HRH4: variants seen among roughly 807,000 people sequenced by gnomAD.
The protein encoded by HRH4 is histamine H4 receptor.
HRH4 carries 12 observed loss-of-function variants against 10.4 expected under a neutral mutation model. That is an observed-to-expected ratio of 1.15 (90% confidence interval 0.74 to 1.87). HRH4 has a LOEUF of 1.87. Ranked by LOEUF, HRH4 falls within the 40% of genes most tolerant of loss-of-function variation. HRH4 has a pLI of 0.00. For missense variants in HRH4, 415 were observed against 453.3 expected, an observed-to-expected ratio of 0.92 and a Z score of 0.77; for synonymous variants, 154 against 166.6, an observed-to-expected ratio of 0.92 and a Z score of 0.58.
Position 24,476,932 on chromosome 18 carries a change from G to A in HRH4, c.543G>A (p.Leu181=). The A allele has an allele frequency of 1.2e-6, 2 of 1,614,056 alleles. No individual in the cohort carries two copies. The highest frequency in any genetic ancestry group is 2.2e-5 in the South Asian group (2 of 91,076). ...ACATCCTTGCCATCACATCATTCTT[G>A]GAATTCGTGATCCCAGTCATCTTAG... ...EWYILAITSF[L]EFVIPVILVA... The change falls in exon 3 of 3, where the codon TTG becomes TTA. Residue 181 remains leucine, a synonymous_variant. Transcript: ENST00000256906.
rs749957443 is a variant in HRH4 at position 24,477,611 on chromosome 18, G to A, written c.*49G>A. 12 of 1,292,894 alleles carry A rather than the reference G, an allele frequency of 9.3e-6. No individual in the cohort carries two copies. The South Asian group carries it at 1.3e-4, about 14-fold the overall frequency. 80.1% of individuals were successfully genotyped at this position (1,292,894 alleles called of 1,614,324 possible). A position where few individuals can be genotyped will look rare whatever the true frequency, so the allele number is the denominator to read the frequency against. On this transcript the variant is annotated 3_prime_UTR_variant, in exon 3 of 3. Transcript: ENST00000256906. ...ATTTTAGTCTCAATCTCACCTAAATGAATCAGGTCTGCCCTTTATCTTGCC... is the reference window on the plus strand; with the variant it reads ...ATTTTAGTCTCAATCTCACCTAAATAAATCAGGTCTGCCCTTTATCTTGCC...
Position 24,477,491 on chromosome 18 carries a change from G to A in HRH4, c.1102G>A (p.Ala368Thr), listed in dbSNP as rs762574759. Residue 368 changes from alanine to threonine, a missense_variant, in exon 3 of 3, where the codon GCT becomes ACT. Transcript: ENST00000256906. ...YPLCHKRFQKAFLKIFCIKKQ... is the reference protein window; with the variant it reads ...YPLCHKRFQKTFLKIFCIKKQ... ...ATTGTGTCACAAGCGCTTTCAAAAGGCTTTCTTGAAAATATTTTGTATAAA... is the reference window on the plus strand; with the variant it reads ...ATTGTGTCACAAGCGCTTTCAAAAGACTTTCTTGAAAATATTTTGTATAAA... The A allele has an allele frequency of 6.2e-6, 10 of 1,610,154 alleles. No individual in the cohort carries two copies. The South Asian group carries it at 9.9e-5, about 16-fold the overall frequency.
At chr18:24,464,451 A>G (rs1018794812) in intron 1 of HRH4, among the ~76,000 whole-genome samples, 1 of 152,184 alleles carries the variant, frequency 6.6e-6, no homozygotes, top group Non-Finnish European at 1.5e-5. Flanking sequence ...AAATATAGCC[A>G]CATGGGGGGT....
At chr18:24,472,560 G>T (rs182800723) in intron 2 of HRH4, among the ~76,000 whole-genome samples, 101 of 152,282 alleles carry the variant, frequency 6.6e-4, no homozygotes, top group Middle Eastern at 6.8e-3. Context: ...ATGCAGCCGT[G>T]TGAAAACAGA....
intron 2 of HRH4, among the ~76,000 whole-genome samples, chr18:24,471,606 C>CAAAAAAAAAAAAAA (rs60730879): frequency 1.4e-4 from 7 of 51,396 alleles, no homozygotes; most frequent in Non-Finnish European, 1.9e-4. Flanking sequence ...GACTCCATCT[C>CAAAAAAAAAAAAAA]AAAAAAAAAA....
At position 24,463,690 on chromosome 18, in the gene HRH4, C is replaced by G. The variant is rs761359316; in HGVS notation, c.193+2769C>G. Among the ~76,000 whole-genome samples the G allele has an allele frequency of 5.5e-4, 84 of 152,312 alleles. 1 individual carries two copies. The highest frequency in any genetic ancestry group is 5.9e-4 in the Admixed American group (9 of 15,302). On this transcript the variant is annotated intron_variant, in intron 1 of 2. Coordinates refer to ENST00000256906, the MANE Select transcript of HRH4 (RefSeq NM_021624.4). ...TGTGGCTTTGCTGGCTGAATGCCCTCTTCCCCCCAGGTTTCAGAACTGGCC... is the reference window on the plus strand; with the variant it reads ...TGTGGCTTTGCTGGCTGAATGCCCTGTTCCCCCCAGGTTTCAGAACTGGCC...
chr18:24,476,422 C>T lies in HRH4; in HGVS notation c.358-325C>T, dbSNP rs146717833. ...GAGCAATACTGTGGTAAGGTGCGTC[C>T]AACTTCAGTTGTTTGACATTCAGAT... On this transcript the variant is annotated intron_variant, in intron 2 of 2. Transcript: ENST00000256906. Among the ~76,000 whole-genome samples, 299 of 152,306 alleles carry T rather than the reference C, an allele frequency of 2.0e-3. 1 individual carries two copies. Among genetic ancestry groups the T allele is most frequent in the Middle Eastern group, 6.8e-3 (2 of 294 alleles).
intron 1 of HRH4, among the ~76,000 whole-genome samples, chr18:24,466,684 A>C (rs915755876): frequency 6.6e-6 from 1 of 152,168 alleles, no homozygotes; most frequent in Non-Finnish European, 1.5e-5. Flanking sequence ...TGGAGAATGC[A>C]GGCTTTCCTT....
At chr18:24,464,323 C>T (rs1909719591) in intron 1 of HRH4, among the ~76,000 whole-genome samples, 2 of 152,154 alleles carry the variant, frequency 1.3e-5, no homozygotes. Context: ...TCTCTGAGTG[C>T]GCACAGAGAG....
chr18:24,460,651 T>C lies in HRH4; in HGVS notation c.-78T>C, dbSNP rs531755077. The C allele has an allele frequency of 7.3e-5, 63 of 859,756 alleles. No homozygotes were observed. The highest frequency in any genetic ancestry group is 3.9e-4 in the Middle Eastern group (1 of 2,534). The allele number at this position is 859,756 out of a possible 1,614,324, so 53.3% of individuals were successfully genotyped here. On this transcript the variant is annotated 5_prime_UTR_variant, in exon 1 of 3. The change abolishes an upstream ATG in the 5' untranslated region. Coordinates refer to ENST00000256906, the MANE Select transcript of HRH4 (RefSeq NM_021624.4). ...AGTGGAAGACTACACATTTTAGGTATGTGATTAGAAAACATACTTGTCAGA... is the reference window on the plus strand; with the variant it reads ...AGTGGAAGACTACACATTTTAGGTACGTGATTAGAAAACATACTTGTCAGA...
At chr18:24,467,806 A>G (rs1335659204) in intron 1 of HRH4, among the ~76,000 whole-genome samples, 1 of 152,180 alleles carries the variant, frequency 6.6e-6, no homozygotes, top group African/African-American at 2.4e-5. Flanking sequence ...GGCCTCCCAG[A>G]GGGCTGGGAT....
chr18:24,474,908 TC>T (rs1219311868), intron 2 of HRH4, among the ~76,000 whole-genome samples: 2 of 151,996 alleles, frequency 1.3e-5, no homozygotes, highest in African/African-American at 4.8e-5. Context: ...CTGGTCTCGA[TC>T]TCCTGGCCTT....
In HRH4 at chr18:24,468,820, A is replaced by G; in HGVS notation, c.226A>G (p.Thr76Ala). The G allele has an allele frequency of 1.2e-6, 2 of 1,614,026 alleles. No individual in the cohort carries two copies. The highest frequency in any genetic ancestry group is 1.7e-6 in the Non-Finnish European group (2 of 1,179,960). ...VISIPLYIPH[T>A]LFEWDFGKEI... ...CTCCATTCCTTTGTACATCCCTCAC[A>G]CGCTGTTCGAATGGGATTTTGGAAA... The change falls in exon 2 of 3, where the codon ACG becomes GCG. Residue 76 changes from threonine to alanine, a missense_variant. Physicochemically the swap from Thr to Ala is moderately conservative, Grantham distance 58 (BLOSUM62 0). Coordinates refer to ENST00000256906, the MANE Select transcript of HRH4 (RefSeq NM_021624.4).
At chr18:24,466,287 ATTTT>A (rs398032181) in intron 1 of HRH4, among the ~76,000 whole-genome samples, 16 of 129,186 alleles carry the variant, frequency 1.2e-4, no homozygotes, top group Non-Finnish European at 1.7e-4. Flanking sequence ...TAATTTTTGT[ATTTT>A]TTTTTTTTTT....
chr18:24,476,998 G>C lies in HRH4; in HGVS notation c.609G>C (p.Lys203Asn). Residue 203 changes from lysine (K) to asparagine (N), a missense_variant, in exon 3 of 3, where the codon AAG becomes AAC. Physicochemically the swap from Lys to Asn is moderately conservative, Grantham distance 94. Coordinates refer to ENST00000256906, the MANE Select transcript of HRH4 (RefSeq NM_021624.4). ...TGAATATTTATTGGAGCCTGTGGAA[G>C]CGTGATCATCTCAGTAGGTGCCAAA... ...FNMNIYWSLW[K>N]RDHLSRCQSH... 6.2e-7 allele frequency: 1 copy of C among 1,614,210 alleles called. No homozygotes were observed. The highest frequency in any genetic ancestry group is 8.5e-7 in the Non-Finnish European group (1 of 1,180,038).
chr18:24,461,300 T>G (rs896333537), intron 1 of HRH4, among the ~76,000 whole-genome samples: 6 of 152,126 alleles, frequency 3.9e-5, no homozygotes, highest in Middle Eastern at 3.2e-3. Context: ...GTTGGAGTAA[T>G]AAGAAATTAT....
At chr18:24,469,197 C>T (rs1486467779) in intron 2 of HRH4, among the ~76,000 whole-genome samples, 2 of 152,152 alleles carry the variant, frequency 1.3e-5, no homozygotes, top group Non-Finnish European at 2.9e-5. Flanking sequence ...GTTGTCCCAA[C>T]TGGTATACTA....
chr18:24,461,630 A>C (rs756934770), intron 1 of HRH4, among the ~76,000 whole-genome samples: 2 of 152,184 alleles, frequency 1.3e-5, no homozygotes, highest in Non-Finnish European at 2.9e-5. Flanking sequence ...TTCTAGTATA[A>C]TTTAATCTGG....
At position 24,471,010 on chromosome 18, in the gene HRH4, C is replaced by T. The variant is rs113276549; in HGVS notation, c.357+2059C>T. Among the ~76,000 whole-genome samples the T allele has an allele frequency of 2.7e-3, 416 of 151,408 alleles. 3 individuals are homozygous for T. The highest frequency in any genetic ancestry group is 9.7e-3 in the African/African-American group (401 of 41,158). On this transcript the variant is annotated intron_variant, in intron 2 of 2. Coordinates refer to ENST00000256906, the MANE Select transcript of HRH4 (RefSeq NM_021624.4). Reference sequence around the variant, plus strand: ...ATTGGTGAAACTTAGTCACATGGTCCCATCTCGCCACAAAGGAAGCTGGGA... The same window carrying T: ...ATTGGTGAAACTTAGTCACATGGTCTCATCTCGCCACAAAGGAAGCTGGGA...
Sources: allele counts gnomAD v4.1 joint callset (sites outside exome capture counted in the v4.1 genomes callset), GRCh38; gene constraint gnomAD v4.1.1; transcripts MANE v1.5; gene names NCBI Gene and HGNC (gene_info 2026-07-23, HGNC 2026-07-21).